Variants in MLLT3 observed in about 807,000 individuals in gnomAD.
MLLT3 encodes protein AF-9.
MLLT3 carries 4 observed loss-of-function variants against 53.2 expected under a neutral mutation model. That is an observed-to-expected ratio of 0.08 (90% CI 0.04 to 0.17). MLLT3 has a LOEUF of 0.17. MLLT3 is among the 10% of genes least tolerant of loss of function. The pLI, the probability that MLLT3 is intolerant of heterozygous loss-of-function variation, is 1.00. For missense variants in MLLT3, 569 were observed against 684.0 expected, an observed-to-expected ratio of 0.83 and a Z score of 1.87; for synonymous variants, 283 against 230.6, an observed-to-expected ratio of 1.23 and a Z score of -2.06.
At chr9:20,523,778 G>A (rs959262669) in intron 2 of MLLT3, among the ~76,000 whole-genome samples, 1 of 152,080 alleles carries the variant, frequency 6.6e-6, no homozygotes, top group South Asian at 2.1e-4. Context: ...AGACCAGCCT[G>A]GGCAACATGG....
intron 2 of MLLT3, among the ~76,000 whole-genome samples, chr9:20,499,258 C>T (rs1283844186): frequency 6.6e-6 from 1 of 152,158 alleles, no homozygotes; most frequent in Non-Finnish European, 1.5e-5. Context: ...ACAAAAGACA[C>T]TATTTCCAAA....
chr9:20,411,713 A>T (rs990588912), intron 5 of MLLT3: 2 of 152,184 alleles, frequency 1.3e-5, no homozygotes, highest in Non-Finnish European at 2.9e-5. Flanking sequence ...GAATAAATAC[A>T]TCAAATTGAA....
chr9:20,569,405 T>G (rs1819468758), intron 2 of MLLT3, among the ~76,000 whole-genome samples: 1 of 152,080 alleles, frequency 6.6e-6, no homozygotes, highest in Admixed American at 6.6e-5. Flanking sequence ...TACCTTGAAA[T>G]CTAGGCTCAT....
At chr9:20,363,183 A>G (rs980538484) in intron 7 of MLLT3, 5 of 280,254 alleles carry the variant, frequency 1.8e-5, no homozygotes, top group African/African-American at 1.1e-4. Context: ...AAATGAAAAC[A>G]GACTTTAGTT....
intron 9 of MLLT3, among the ~76,000 whole-genome samples, chr9:20,354,164 T>C (rs1181615374): frequency 6.6e-6 from 1 of 152,180 alleles, no homozygotes; most frequent in Non-Finnish European, 1.5e-5. Flanking sequence ...AACAGAAGAA[T>C]GTATTACGAA....
At chr9:20,490,965 C>A (rs1824933837) in intron 2 of MLLT3, among the ~76,000 whole-genome samples, 1 of 152,034 alleles carries the variant, frequency 6.6e-6, no homozygotes, top group Non-Finnish European at 1.5e-5. Flanking sequence ...TTAAAAATTG[C>A]AGCTGGAATT....
intron 2 of MLLT3, among the ~76,000 whole-genome samples, chr9:20,481,100 G>A (rs907977348): frequency 6.6e-6 from 1 of 152,132 alleles, no homozygotes; most frequent in East Asian, 1.9e-4. Flanking sequence ...ATTTATGACA[G>A]GAACCTCAAG....
intron 5 of MLLT3, among the ~76,000 whole-genome samples, chr9:20,401,262 G>C (rs1476485573): frequency 6.6e-6 from 1 of 151,976 alleles, no homozygotes; most frequent in East Asian, 1.9e-4. Flanking sequence ...ATAATAGACA[G>C]TAAGTATTTT....
At chr9:20,435,252 C>T (rs1823373634) in intron 4 of MLLT3, among the ~76,000 whole-genome samples, 1 of 152,048 alleles carries the variant, frequency 6.6e-6, no homozygotes, top group African/African-American at 2.4e-5. Flanking sequence ...GTATGTTACC[C>T]AGGCTAGACT....
intron 2 of MLLT3, among the ~76,000 whole-genome samples, chr9:20,612,952 C>T (rs529599903): frequency 4.3e-4 from 66 of 152,290 alleles, no homozygotes; most frequent in African/African-American, 1.5e-3. Flanking sequence ...TGTCCAAACC[C>T]TTGTTCATCT....
intron 2 of MLLT3, among the ~76,000 whole-genome samples, chr9:20,532,042 TA>T: frequency 6.6e-6 from 1 of 152,178 alleles, no homozygotes; most frequent in Non-Finnish European, 1.5e-5. Flanking sequence ...ATGACCAAAT[TA>T]AAACGATTGC....
At position 20,346,193 on chromosome 9, in the gene MLLT3, C is replaced by T. The variant is rs1374470259; in HGVS notation, c.*250G>A. 4 of 379,440 alleles carry T rather than the reference C, an allele frequency of 1.1e-5. No individual in the cohort carries two copies. Among genetic ancestry groups the T allele is most frequent in the South Asian group, 4.7e-5 (1 of 21,192 alleles). 23.5% of individuals were successfully genotyped at this position (379,440 alleles called of 1,614,324 possible). ...CAAGGCTATCCAGGCTAACTCTTCCCGGGGATTTCCTTGGAGAGAAGAGTG... is the reference window on the plus strand; with the variant it reads ...CAAGGCTATCCAGGCTAACTCTTCCTGGGGATTTCCTTGGAGAGAAGAGTG... On this transcript the variant is annotated 3_prime_UTR_variant, in exon 11 of 11. Coordinates refer to ENST00000380338, the MANE Select transcript of MLLT3 (RefSeq NM_004529.4).
At chr9:20,613,200 G>A (rs995760164) in intron 2 of MLLT3, among the ~76,000 whole-genome samples, 1 of 151,978 alleles carries the variant, frequency 6.6e-6, no homozygotes, top group African/African-American at 2.4e-5. Flanking sequence ...AAAATATTCT[G>A]GTATTAAATA....
At chr9:20,586,965 T>A (rs544498663) in intron 2 of MLLT3, among the ~76,000 whole-genome samples, 1 of 152,266 alleles carries the variant, frequency 6.6e-6, no homozygotes, top group East Asian at 1.9e-4. Flanking sequence ...AAAGCATGAT[T>A]CTTTCCTAAG....
intron 4 of MLLT3, among the ~76,000 whole-genome samples, chr9:20,422,090 A>G (rs1349075275): frequency 1.3e-5 from 2 of 152,182 alleles, no homozygotes; most frequent in African/African-American, 4.8e-5. Flanking sequence ...GTCTCAGTCA[A>G]TGGGCAGAAG....
intron 2 of MLLT3, among the ~76,000 whole-genome samples, chr9:20,520,556 A>C (rs1206546982): frequency 6.6e-6 from 1 of 152,210 alleles, no homozygotes; most frequent in African/African-American, 2.4e-5. Flanking sequence ...TAAATAAAAA[A>C]TAATGTGAAA....
intron 5 of MLLT3, among the ~76,000 whole-genome samples, chr9:20,374,113 C>T (rs751054645): frequency 1.4e-4 from 21 of 152,006 alleles, no homozygotes; most frequent in Admixed American, 2.0e-4. Context: ...CTAGGTGCAG[C>T]GGCACATGCC....
chr9:20,376,514 C>T (rs773943317), intron 5 of MLLT3, among the ~76,000 whole-genome samples: 2 of 152,178 alleles, frequency 1.3e-5, no homozygotes, highest in Non-Finnish European at 2.9e-5. Context: ...TTTACAATTA[C>T]ATTCACTTTC....
chr9:20,452,559 T>A (rs1296451513), intron 3 of MLLT3, among the ~76,000 whole-genome samples: 2 of 152,196 alleles, frequency 1.3e-5, no homozygotes, highest in African/African-American at 4.8e-5. Flanking sequence ...ATTACTATAA[T>A]GGATGTTTAT....
Sources: allele counts gnomAD v4.1 joint callset (sites outside exome capture counted in the v4.1 genomes callset), GRCh38; gene constraint gnomAD v4.1.1; transcripts MANE v1.5; gene names NCBI Gene and HGNC (gene_info 2026-07-23, HGNC 2026-07-21).